Variants in SPOCK3 observed in about 807,000 individuals in gnomAD.
SPOCK3 encodes the protein testican-3.
In SPOCK3, 30 loss-of-function variants were observed where a neutral mutation model predicts 56.6. The ratio of observed to expected loss-of-function variants is 0.53; its 90% CI spans 0.40 to 0.72. The LOEUF is 0.72. Ranked by LOEUF, SPOCK3 falls within the 30% of genes least tolerant of loss-of-function variation. The pLI, the probability that SPOCK3 is intolerant of heterozygous loss-of-function variation, is 0.00. For missense variants in SPOCK3, 527 were observed against 530.0 expected, an observed-to-expected ratio of 0.99 and a Z score of 0.06; for synonymous variants, 196 against 183.3, an observed-to-expected ratio of 1.07 and a Z score of -0.56.
In SPOCK3 at chr4:167,031,394, G is replaced by A. The variant is rs574725665; in HGVS notation, c.236-30931C>T. 9.9e-5 allele frequency among the ~76,000 whole-genome samples: 15 copies of A among 151,948 alleles called. No individual in the cohort carries two copies. In the East Asian group the frequency reaches 1.2e-3, roughly 12 times the overall value. ...CTATTACAAACACAAATATTATCCC[G>A]TTTTACTAAAATACTTTATTCCCTA... On this transcript the variant is annotated intron_variant, in intron 3 of 10. Coordinates refer to ENST00000357545, the MANE Select transcript of SPOCK3 (RefSeq NM_001040159.2).
chr4:167,205,504 TTA>T (rs1280021428), intron 2 of SPOCK3, among the ~76,000 whole-genome samples: 1 of 56,346 alleles, frequency 1.8e-5, no homozygotes, highest in Non-Finnish European at 3.0e-5. Flanking sequence ...ATAATATATA[TTA>T]TATAATATAT....
chr4:167,162,023 TA>T (rs755613702), intron 2 of SPOCK3, among the ~76,000 whole-genome samples: 2 of 151,916 alleles, frequency 1.3e-5, no homozygotes, highest in Non-Finnish European at 1.5e-5. Context: ...ACATGTACCC[TA>T]AAACTTAAAG....
At chr4:166,804,419 A>T (rs1742938464) in intron 6 of SPOCK3, among the ~76,000 whole-genome samples, 1 of 152,052 alleles carries the variant, frequency 6.6e-6, no homozygotes, top group Admixed American at 6.6e-5. Flanking sequence ...ATCACCAAAT[A>T]CAGTCACATT....
intron 8 of SPOCK3, among the ~76,000 whole-genome samples, chr4:166,752,240 C>T (rs1387938642): frequency 1.3e-5 from 2 of 151,992 alleles, no homozygotes; most frequent in Non-Finnish European, 2.9e-5. Flanking sequence ...GCCCACACTG[C>T]TCGGACTCCT....
intron 4 of SPOCK3, among the ~76,000 whole-genome samples, chr4:166,992,378 C>T (rs1365926911): frequency 6.6e-6 from 1 of 152,092 alleles, no homozygotes; most frequent in African/African-American, 2.4e-5. Context: ...ATATTTTCTA[C>T]CCTTTTCTAT....
Position 166,792,268 on chromosome 4 carries a change from C to T in SPOCK3, c.611G>A (p.Arg204Lys). The change falls in exon 7 of 11, where the codon AGG becomes AAG. Residue 204 changes from arginine (R) to lysine (K), a missense_variant. Physicochemically the swap from Arg to Lys is conservative, Grantham distance 26. Transcript: ENST00000357545. ...VKRACSDLEFREVANRLRDWF... is the reference protein window; with the variant it reads ...VKRACSDLEFKEVANRLRDWF... ...GTCCCGCAATCTGTTTGCCACTTCC[C>T]TGAACTCCAGGTCACTGCATGCTAA... The T allele has an allele frequency of 6.2e-7, 1 of 1,613,842 alleles. No individual in the cohort carries two copies. Among genetic ancestry groups the T allele is most frequent in the Admixed American group, 1.7e-5 (1 of 60,004 alleles).
chr4:166,801,587 G>A (rs575477132), intron 6 of SPOCK3, among the ~76,000 whole-genome samples: 2 of 151,850 alleles, frequency 1.3e-5, no homozygotes, highest in African/African-American at 4.8e-5. Context: ...TAAAAATTCA[G>A]TTACTGGATC....
chr4:167,003,930 A>T (rs1749203071), intron 3 of SPOCK3, among the ~76,000 whole-genome samples: 1 of 152,038 alleles, frequency 6.6e-6, no homozygotes, highest in Non-Finnish European at 1.5e-5. Flanking sequence ...TTAGTCCAGA[A>T]TTTTTCCCAG....
intron 6 of SPOCK3, among the ~76,000 whole-genome samples, chr4:166,875,081 G>A (rs1732938449): frequency 6.8e-6 from 1 of 146,202 alleles, no homozygotes; most frequent in Non-Finnish European, 1.5e-5. Context: ...AGGACATATA[G>A]ATATATTTGT....
chr4:167,114,882 A>C (rs538539287), intron 2 of SPOCK3, among the ~76,000 whole-genome samples: 3 of 151,992 alleles, frequency 2.0e-5, no homozygotes, highest in Non-Finnish European at 4.4e-5. Context: ...TCCAGCATTC[A>C]TGGAAAGTTA....
chr4:167,233,584 AGTGAC>A (rs1345893540), intron 2 of SPOCK3, among the ~76,000 whole-genome samples: 1 of 152,096 alleles, frequency 6.6e-6, no homozygotes, highest in Admixed American at 6.6e-5. Flanking sequence ...ATGGACCATT[AGTGAC>A]AGGATCGATC....
intron 7 of SPOCK3, among the ~76,000 whole-genome samples, chr4:166,787,268 T>C (rs550361039): frequency 6.6e-6 from 1 of 152,316 alleles, no homozygotes; most frequent in East Asian, 1.9e-4. Context: ...GGTAATATTG[T>C]ACACATTAAA....
At chr4:166,901,633 T>C (rs1326330623) in intron 5 of SPOCK3, among the ~76,000 whole-genome samples, 2 of 152,146 alleles carry the variant, frequency 1.3e-5, no homozygotes, top group African/African-American at 4.8e-5. Flanking sequence ...TAGTGACATC[T>C]ATGCAATCAC....
intron 6 of SPOCK3, among the ~76,000 whole-genome samples, chr4:166,796,000 T>A (rs1373239209): frequency 6.6e-6 from 1 of 152,164 alleles, no homozygotes; most frequent in Non-Finnish European, 1.5e-5. Context: ...AGTGCTCTTT[T>A]AAAATGGAAT....
chr4:167,056,142 T>A (rs1189912926), intron 3 of SPOCK3, among the ~76,000 whole-genome samples: 1 of 152,134 alleles, frequency 6.6e-6, no homozygotes, highest in Non-Finnish European at 1.5e-5. Flanking sequence ...CATTCGCGGT[T>A]CACAAAAATC....
chr4:166,750,140 G>A (rs563797677), intron 8 of SPOCK3, among the ~76,000 whole-genome samples: 1 of 152,186 alleles, frequency 6.6e-6, no homozygotes, highest in South Asian at 2.1e-4. Context: ...GATTGTTCAA[G>A]TATATATAAT....
chr4:166,912,583 C>G (rs1434748263), intron 5 of SPOCK3, 37 bp downstream of exon 5: 2 of 1,588,240 alleles, frequency 1.3e-6, no homozygotes. Flanking sequence ...AAGTATGCAT[C>G]CCTTATTTCA....
intron 4 of SPOCK3, among the ~76,000 whole-genome samples, chr4:166,995,571 A>G (rs906688637): frequency 2.0e-5 from 3 of 151,970 alleles, no homozygotes; most frequent in Non-Finnish European, 4.4e-5. Context: ...TCTATCTATC[A>G]TCTATCTATC....
intron 2 of SPOCK3, among the ~76,000 whole-genome samples, chr4:167,190,624 C>T (rs529604464): frequency 5.5e-5 from 8 of 145,508 alleles, no homozygotes; most frequent in Non-Finnish European, 1.2e-4. Flanking sequence ...GATGTAGTCT[C>T]ACTTGTTTAT....
Sources: gnomAD v4.1 joint callset for allele counts (sites outside exome capture counted in the v4.1 genomes callset) on GRCh38, gnomAD v4.1.1 for gene constraint, MANE v1.5 for transcripts, NCBI Gene and HGNC (gene_info 2026-07-23, HGNC 2026-07-21) for gene names.